Variants in DPP6 observed in about 807,000 individuals in gnomAD.
The protein encoded by DPP6 is A-type potassium channel modulatory protein DPP6.
A neutral mutation model predicts 122.6 loss-of-function variants in DPP6; 69 were observed. The observed-to-expected ratio is 0.56, with a 90% CI of 0.46 to 0.69. The LOEUF (loss-of-function observed/expected upper bound fraction) is 0.69. Ranked by LOEUF, DPP6 falls within the 30% of genes least tolerant of loss-of-function variation. The pLI, the probability that DPP6 is intolerant of heterozygous loss-of-function variation, is 0.00. For missense variants in DPP6, 928 were observed against 1,116.9 expected (o/e 0.83, Z 2.41); for synonymous variants, 418 against 433.1 (o/e 0.97, Z 0.43).
intron 1 of DPP6, among the ~76,000 whole-genome samples, chr7:154,164,040 TGTG>T (rs1317644836): frequency 6.6e-6 from 1 of 152,094 alleles, no homozygotes; most frequent in Admixed American, 6.6e-5. Flanking sequence ...CACCCATAAG[TGTG>T]GTGTTCTGCC....
the DPP6 span, among the ~76,000 whole-genome samples, chr7:153,848,586 T>C: frequency 6.6e-6 from 1 of 152,220 alleles, no homozygotes; most frequent in South Asian, 2.1e-4. Context: ...AGGGTTCAGC[T>C]TAACTATACT....
At chr7:154,794,020 C>T (rs1797851173) in intron 10 of DPP6, 59 bp from the exon 11 acceptor site, 2 of 1,580,052 alleles carry the variant, frequency 1.3e-6, no homozygotes, top group African/African-American at 1.3e-5. Flanking sequence ...CGGCGGTCCC[C>T]TGGCTTCTGT....
chr7:154,219,940 G>C (rs1283043197), intron 1 of DPP6, among the ~76,000 whole-genome samples: 1 of 152,208 alleles, frequency 6.6e-6, no homozygotes, highest in Non-Finnish European at 1.5e-5. Flanking sequence ...TTGTGATTCT[G>C]TGATTCTGCC....
the DPP6 span, among the ~76,000 whole-genome samples, chr7:153,862,828 AAAC>A: frequency 9.9e-5 from 15 of 152,216 alleles, no homozygotes; most frequent in Admixed American, 3.3e-4. Context: ...ATTTAGAACT[AAAC>A]AACAAATCGG....
At chr7:154,384,432 G>A (rs540823052) in intron 1 of DPP6, among the ~76,000 whole-genome samples, 68 of 152,318 alleles carry the variant, frequency 4.5e-4, no homozygotes, top group Non-Finnish European at 8.1e-4. Flanking sequence ...TGAAAAGGAT[G>A]TGGGGAGTGG....
chr7:154,613,551 A>G (rs1834037976), intron 5 of DPP6, among the ~76,000 whole-genome samples: 1 of 138,346 alleles, frequency 7.2e-6, no homozygotes, highest in Admixed American at 8.0e-5. Flanking sequence ...CCCAGGAGGC[A>G]GAGGTTGTGG....
intron 10 of DPP6, among the ~76,000 whole-genome samples, chr7:154,785,996 C>CTGGTAT (rs1797311169): frequency 6.6e-6 from 1 of 152,150 alleles, no homozygotes; most frequent in African/African-American, 2.4e-5. Context: ...CTCCATAGCC[C>CTGGTAT]TGGTATTGTC....
chr7:154,368,234 G>A (rs577903006), intron 1 of DPP6, among the ~76,000 whole-genome samples: 1 of 152,332 alleles, frequency 6.6e-6, no homozygotes, highest in South Asian at 2.1e-4. Context: ...TGTATGCCAA[G>A]CACAGGAATC....
intron 1 of DPP6, among the ~76,000 whole-genome samples, chr7:153,913,372 C>A (rs1212234064): frequency 6.6e-6 from 1 of 152,060 alleles, no homozygotes; most frequent in African/African-American, 2.4e-5. Flanking sequence ...TGCACCCGGC[C>A]AACATATCAA....
intron 16 of DPP6, among the ~76,000 whole-genome samples, chr7:154,809,723 A>G (rs917590102): frequency 2.0e-5 from 3 of 152,210 alleles, no homozygotes; most frequent in Non-Finnish European, 4.4e-5. Flanking sequence ...GTATCTTGAG[A>G]CAGGGAGCAG....
chr7:153,865,098 C>T, the DPP6 span, among the ~76,000 whole-genome samples: 12 of 152,050 alleles, frequency 7.9e-5, no homozygotes, highest in Non-Finnish European at 1.5e-4. Flanking sequence ...AAACTTAAAG[C>T]GATTTACCAG....
At chr7:154,311,313 C>T (rs1020801596) in intron 1 of DPP6, among the ~76,000 whole-genome samples, 8 of 151,874 alleles carry the variant, frequency 5.3e-5, no homozygotes, top group Admixed American at 1.3e-4. Flanking sequence ...GGCAACATGG[C>T]GAAGCCCCAT....
upstream of DPP6, among the ~76,000 whole-genome samples, chr7:153,886,395 G>A (rs1026807252): frequency 6.6e-6 from 1 of 152,108 alleles, no homozygotes; most frequent in Non-Finnish European, 1.5e-5. Context: ...TAGAGAAATG[G>A]GCGCTGGGAT....
chr7:154,586,352 G>GCCCACTCCCATC, intron 5 of DPP6, among the ~76,000 whole-genome samples: 1 of 152,252 alleles, frequency 6.6e-6, no homozygotes, highest in Non-Finnish European at 1.5e-5. Flanking sequence ...CCTACCTGCC[G>GCCCACTCCCATC]GCCTCAGCTC....
chr7:154,085,801 C>T (rs1467282482), intron 1 of DPP6, among the ~76,000 whole-genome samples: 1 of 152,194 alleles, frequency 6.6e-6, no homozygotes. Flanking sequence ...GATCTTGGCT[C>T]ACTGCAACCT....
chr7:154,835,927 GC>G (rs1563264940), intron 16 of DPP6, among the ~76,000 whole-genome samples: 1 of 152,190 alleles, frequency 6.6e-6, no homozygotes, highest in African/African-American at 2.4e-5. Context: ...TGTGAGTGCT[GC>G]TTTGTTTAAG....
chr7:154,090,995 C>A (rs1804784062), intron 1 of DPP6, among the ~76,000 whole-genome samples: 1 of 151,132 alleles, frequency 6.6e-6, no homozygotes, highest in African/African-American at 2.4e-5. Flanking sequence ...GTGGCGGGTG[C>A]CTGTAGTCCC....
At chr7:153,786,563 C>G in the DPP6 span, among the ~76,000 whole-genome samples, 3 of 151,152 alleles carry the variant, frequency 2.0e-5, no homozygotes, top group African/African-American at 7.3e-5. Flanking sequence ...CACGTGAAAC[C>G]CCGTCTCTAC....
chr7:154,015,216 C>T (rs1478282936), intron 1 of DPP6, among the ~76,000 whole-genome samples: 1 of 151,980 alleles, frequency 6.6e-6, no homozygotes. Flanking sequence ...ACTTCCATCT[C>T]GAAACACTCT....
Sources: allele counts gnomAD v4.1 joint callset (sites outside exome capture counted in the v4.1 genomes callset), GRCh38; gene constraint gnomAD v4.1.1; transcripts MANE v1.5; gene names NCBI Gene and HGNC (gene_info 2026-07-23, HGNC 2026-07-21).